The following NAV2 variants were observed in gnomAD, a reference collection of about 807,000 sequenced individuals.
The protein encoded by NAV2 is helicase, APC down-regulated 1.
NAV2 carries 54 observed loss-of-function variants against 223.2 expected under a neutral mutation model. The ratio of observed to expected loss-of-function variants is 0.24; its 90% CI spans 0.19 to 0.30. The LOEUF (loss-of-function observed/expected upper bound fraction) is 0.30. NAV2 is among the 10% of genes least tolerant of loss of function. The probability of loss-of-function intolerance (pLI) is 1.00; values close to 1 mark genes in which losing one functional copy is unlikely to be tolerated. For synonymous variants in NAV2, 1,279 were observed against 1,239.3 expected (o/e 1.03, Z -0.67); for missense variants, 2,806 against 3,147.5 (o/e 0.89, Z 2.60).
At chr11:19,881,864 T>C (rs903729142) in intron 5 of NAV2, among the ~76,000 whole-genome samples, 2 of 152,084 alleles carry the variant, frequency 1.3e-5, no homozygotes, top group African/African-American at 4.8e-5. Context: ...GTAAGCTTGG[T>C]GTGTTGGAAG....
intron 18 of NAV2, 105 bp downstream of exon 18, chr11:20,054,345 GT>G: frequency 8.3e-7 from 1 of 1,210,912 alleles, no homozygotes; most frequent in Non-Finnish European, 1.1e-6. Context: ...GGAGCAGGTG[GT>G]TTTGGTTACA....
chr11:19,494,091 A>C (rs2042718631), intron 1 of NAV2, among the ~76,000 whole-genome samples: 1 of 152,188 alleles, frequency 6.6e-6, no homozygotes, highest in Admixed American at 6.5e-5. Flanking sequence ...CAACAGATGC[A>C]CAAGTGACTG....
At chr11:19,971,373 C>T (rs2049226303) in intron 10 of NAV2, among the ~76,000 whole-genome samples, 1 of 152,000 alleles carries the variant, frequency 6.6e-6, no homozygotes, top group Non-Finnish European at 1.5e-5. Context: ...TCTACCATGG[C>T]CTGTTTTCTT....
At chr11:19,431,344 G>T (rs1267323729) in intron 1 of NAV2, among the ~76,000 whole-genome samples, 2 of 152,174 alleles carry the variant, frequency 1.3e-5, no homozygotes, top group East Asian at 3.9e-4. Context: ...GTGTGACAGG[G>T]CACTGCAGTG....
chr11:19,713,747 G>A lies in NAV2; in HGVS notation c.52G>A (p.Val18Met), dbSNP rs755849383. The A allele has an allele frequency of 5.0e-6, 8 of 1,611,284 alleles. No individual in the cohort carries two copies. Among genetic ancestry groups the A allele is most frequent in the East Asian group, 4.5e-5 (2 of 44,824 alleles). Residue 18 changes from valine to methionine, a missense_variant, in exon 1 of 38, where the codon GTG becomes ATG. Around this residue, in one of 4 missense-constraint regions of NAV2, gnomAD observed 1,167 missense variants for 1,180.5 expected, o/e 0.99. Transcript: ENST00000349880. The surrounding 1 kb of genome is among the most constrained non-coding windows in gnomAD (Gnocchi z 7.2). ...AATGAAGTCGGGACTGCCCAAACCC[G>A]TGCACAGCGCCGCGCCCATCCTGCA... ...SKMKSGLPKP[V>M]HSAAPILHVP...
chr11:19,758,969 A>G (rs575465710), intron 1 of NAV2, among the ~76,000 whole-genome samples: 2 of 152,238 alleles, frequency 1.3e-5, no homozygotes, highest in South Asian at 4.2e-4. Flanking sequence ...ACAGAGAATT[A>G]CTGGTGGATA....
At chr11:19,510,327 T>C (rs1280252777) in intron 1 of NAV2, among the ~76,000 whole-genome samples, 2 of 152,192 alleles carry the variant, frequency 1.3e-5, no homozygotes, top group Non-Finnish European at 2.9e-5. Context: ...GAAACTGGGG[T>C]CCAGAGAGGT....
intron 6 of NAV2, among the ~76,000 whole-genome samples, chr11:19,893,232 A>G (rs2041666785): frequency 2.0e-5 from 3 of 152,178 alleles, no homozygotes; most frequent in Admixed American, 1.3e-4. Flanking sequence ...CCCAGAATGT[A>G]GTAAAACAAA....
chr11:19,909,321 G>A (rs142942607), intron 6 of NAV2, among the ~76,000 whole-genome samples: 2 of 152,230 alleles, frequency 1.3e-5, no homozygotes, highest in South Asian at 2.1e-4. Context: ...CATTCCAGGA[G>A]TACCCAGGCA....
At chr11:19,679,437 ACAC>A (rs1178552050) in intron 1 of NAV2, among the ~76,000 whole-genome samples, 13 of 149,374 alleles carry the variant, frequency 8.7e-5, no homozygotes, top group South Asian at 2.1e-4. Flanking sequence ...TCTCAAAAAA[ACAC>A]AAAAAGATTT....
rs140653075 is a variant in NAV2 at position 19,673,594 on chromosome 11, G to A, written c.76-158890G>A. Among the ~76,000 whole-genome samples the A allele has an allele frequency of 8.8e-3, 1,333 of 152,278 alleles. 17 individuals carry two copies. The highest frequency in any genetic ancestry group is 0.03 in the African/African-American group (1,252 of 41,538). On this transcript the variant is annotated intron_variant, in intron 1 of 37. Transcript: ENST00000360655. ...CTCAAATTGAGGTGTTAATTGGGGA[G>A]GAACAGAAGACATTAAGTGGCACAT...
At chr11:19,416,493 T>A (rs1357547566) in intron 1 of NAV2, among the ~76,000 whole-genome samples, 1 of 152,186 alleles carries the variant, frequency 6.6e-6, no homozygotes, top group African/African-American at 2.4e-5. Context: ...ATAGGAAGAA[T>A]CAATATTGTT....
intron 1 of NAV2, among the ~76,000 whole-genome samples, chr11:19,689,935 T>A (rs2049120970): frequency 6.6e-6 from 1 of 152,238 alleles, no homozygotes; most frequent in Non-Finnish European, 1.5e-5. Flanking sequence ...GAGTTTGGCC[T>A]TATGTGTTGA....
At chr11:19,449,235 A>C (rs1332518439) in intron 1 of NAV2, among the ~76,000 whole-genome samples, 1 of 152,038 alleles carries the variant, frequency 6.6e-6, no homozygotes, top group East Asian at 1.9e-4. Context: ...ACAGTGATAT[A>C]AGTGATGTAG....
At chr11:20,027,404 G>T in intron 11 of NAV2, 1 of 984,876 alleles carries the variant, frequency 1.0e-6, no homozygotes. Flanking sequence ...CTGGCGGGGG[G>T]CATGGGCCAG....
intron 1 of NAV2, among the ~76,000 whole-genome samples, chr11:19,351,626 G>T (rs1853317827): frequency 6.6e-6 from 1 of 152,104 alleles, no homozygotes; most frequent in Admixed American, 6.5e-5. Flanking sequence ...CAGACGCGTT[G>T]TGGAGTAGCA....
At chr11:19,899,886 G>T (rs542307197) in intron 6 of NAV2, among the ~76,000 whole-genome samples, 1 of 152,250 alleles carries the variant, frequency 6.6e-6, no homozygotes, top group South Asian at 2.1e-4. Flanking sequence ...TTCTATGGAG[G>T]GCTTGTAGAG....
intron 1 of NAV2, among the ~76,000 whole-genome samples, chr11:19,770,647 C>T (rs2055644136): frequency 6.6e-6 from 1 of 152,162 alleles, no homozygotes; most frequent in African/African-American, 2.4e-5. Context: ...ACCAGTTTGT[C>T]TGCTTGAATA....
At chr11:19,539,432 G>T (rs964083582) in intron 1 of NAV2, among the ~76,000 whole-genome samples, 2 of 151,978 alleles carry the variant, frequency 1.3e-5, no homozygotes, top group African/African-American at 2.4e-5. Flanking sequence ...TCAGGCTTGT[G>T]TTTTTTTCTA....
Sources: allele counts gnomAD v4.1 joint callset (sites outside exome capture counted in the v4.1 genomes callset), GRCh38; gene constraint gnomAD v4.1.1; regional missense constraint gnomAD v4.1.1; non-coding constraint Gnocchi (gnomAD v3.1); transcripts MANE v1.5; gene names NCBI Gene and HGNC (gene_info 2026-07-23, HGNC 2026-07-21).